Variants in ARHGEF7 observed in about 807,000 individuals in gnomAD.
ARHGEF7 encodes PAK-interacting exchange factor beta.
A neutral mutation model predicts 109.8 loss-of-function variants in ARHGEF7; 33 were observed. That is an observed-to-expected ratio of 0.30 (90% CI 0.23 to 0.40). The LOEUF (loss-of-function observed/expected upper bound fraction) is 0.40, where lower values mean the gene tolerates loss of function less well. Among genes scored for constraint, ARHGEF7 ranks in the 10% least tolerant of loss-of-function variants. ARHGEF7 has a pLI of 1.00. For synonymous variants in ARHGEF7, 458 were observed against 424.6 expected (o/e 1.08, Z -0.97); for missense variants, 938 against 1,098.5 (o/e 0.85, Z 2.07).
chr13:111,253,320 G>T (rs1177493492), intron 8 of ARHGEF7, among the ~76,000 whole-genome samples: 1 of 152,176 alleles, frequency 6.6e-6, no homozygotes, highest in Non-Finnish European at 1.5e-5. Context: ...GAATCTAATA[G>T]TATCTTTTAA....
chr13:111,202,812 G>A (rs976065784), intron 2 of ARHGEF7, among the ~76,000 whole-genome samples: 1 of 152,192 alleles, frequency 6.6e-6, no homozygotes, highest in Admixed American at 6.5e-5. Context: ...GAAATAGTCT[G>A]TTATCTTTCT....
chr13:111,267,317 G>A (rs1373154080), intron 8 of ARHGEF7, among the ~76,000 whole-genome samples: 1 of 151,998 alleles, frequency 6.6e-6, no homozygotes, highest in Non-Finnish European at 1.5e-5. Context: ...GGGATGCTGT[G>A]CAGTCTGAAT....
At chr13:111,189,923 C>T (rs1451416688) in intron 2 of ARHGEF7, among the ~76,000 whole-genome samples, 3 of 152,182 alleles carry the variant, frequency 2.0e-5, no homozygotes, top group East Asian at 3.9e-4. Flanking sequence ...CCCAGAAGCC[C>T]AGCTGGCTTC....
At chr13:111,169,308 C>G (rs930442931) in intron 2 of ARHGEF7, among the ~76,000 whole-genome samples, 5 of 152,126 alleles carry the variant, frequency 3.3e-5, no homozygotes, top group African/African-American at 1.2e-4. Flanking sequence ...GTTTAATGGG[C>G]TCATGGTTCC....
intron 2 of ARHGEF7, among the ~76,000 whole-genome samples, chr13:111,184,165 GC>G (rs995301005): frequency 6.6e-6 from 1 of 152,286 alleles, no homozygotes; most frequent in Admixed American, 6.5e-5. Flanking sequence ...GGCTTCCCCT[GC>G]TTTGCCTGGC....
chr13:111,215,269 C>T (rs1454442623), intron 4 of ARHGEF7, among the ~76,000 whole-genome samples: 1 of 152,020 alleles, frequency 6.6e-6, no homozygotes, highest in East Asian at 1.9e-4. Flanking sequence ...TGGTGTCCTG[C>T]GGGGCTGAGG....
chr13:111,207,392 T>A (rs1487789044), intron 3 of ARHGEF7, among the ~76,000 whole-genome samples: 1 of 152,204 alleles, frequency 6.6e-6, no homozygotes, highest in Non-Finnish European at 1.5e-5. Flanking sequence ...TGTCTTAAAC[T>A]CCTGAGCTCA....
intron 3 of ARHGEF7, 47 bp downstream of exon 3, chr13:111,205,420 G>GCTGA (rs775766905): frequency 1.0e-5 from 14 of 1,360,932 alleles, no homozygotes; most frequent in Non-Finnish European, 2.0e-6. Context: ...AGACATACGG[G>GCTGA]CTGACACCTT....
chr13:111,197,905 A>G (rs1441699467), intron 2 of ARHGEF7, among the ~76,000 whole-genome samples: 1 of 152,172 alleles, frequency 6.6e-6, no homozygotes, highest in African/African-American at 2.4e-5. Context: ...TTTGTCTGAC[A>G]GGCATTAGGA....
chr13:111,293,889 C>T (rs1235930225), intron 19 of ARHGEF7: 2 of 985,338 alleles, frequency 2.0e-6, no homozygotes, highest in South Asian at 9.4e-5. Flanking sequence ...TGCTCACAAG[C>T]CCAGAGCTGC....
chr13:111,291,159 G>T (rs183332369), intron 18 of ARHGEF7, among the ~76,000 whole-genome samples: 89 of 152,360 alleles, frequency 5.8e-4, no homozygotes, highest in African/African-American at 2.0e-3. Context: ...CAGGGCTACT[G>T]TGATTTGCCT....
Position 111,265,504 on chromosome 13 carries a change from G to A in ARHGEF7, c.951-2044G>A, listed in dbSNP as rs542477716. On this transcript the variant is annotated intron_variant, in intron 8 of 21. Transcript: ENST00000646102. Reference sequence around the variant, plus strand: ...TCCAGCCAGTACTTAGCCGCGGAGCGGAAAGCAGTGCTCATGAAGGTGGAG... The same window carrying A: ...TCCAGCCAGTACTTAGCCGCGGAGCAGAAAGCAGTGCTCATGAAGGTGGAG... 33 of 454,814 alleles carry A rather than the reference G, an allele frequency of 7.3e-5. No homozygotes were observed. In the East Asian group the frequency reaches 1.7e-3, roughly 23 times the overall value. 28.2% of individuals were successfully genotyped at this position (454,814 alleles called of 1,614,324 possible). A position where few individuals can be genotyped will look rare whatever the true frequency, so the allele number is the denominator to read the frequency against.
intron 1 of ARHGEF7, among the ~76,000 whole-genome samples, chr13:111,141,285 C>T (rs1027505095): frequency 4.6e-5 from 7 of 152,062 alleles, no homozygotes; most frequent in Non-Finnish European, 7.4e-5. Flanking sequence ...GCCCTGAAGT[C>T]CCCTTTACTC....
intron 2 of ARHGEF7, among the ~76,000 whole-genome samples, chr13:111,178,177 CCT>C (rs954849216): frequency 1.4e-4 from 21 of 152,136 alleles, no homozygotes; most frequent in African/African-American, 5.1e-4. Context: ...GGGAAGTCCT[CCT>C]CTCTCTTTTT....
chr13:111,215,408 A>G (rs780189836), intron 4 of ARHGEF7, among the ~76,000 whole-genome samples: 1 of 151,680 alleles, frequency 6.6e-6, no homozygotes, highest in Admixed American at 6.6e-5. Flanking sequence ...GGTGATATCA[A>G]TGTGGACTCC....
intron 9 of ARHGEF7, 24 bp downstream of exon 9, chr13:111,267,694 A>C (rs960696316): frequency 6.2e-7 from 1 of 1,612,586 alleles, no homozygotes; most frequent in East Asian, 2.2e-5. Flanking sequence ...GCACCTTGGC[A>C]ACAGGGAGGG....
At chr13:111,208,887 A>G (rs912728396) in intron 3 of ARHGEF7, among the ~76,000 whole-genome samples, 1 of 152,190 alleles carries the variant, frequency 6.6e-6, no homozygotes, top group Non-Finnish European at 1.5e-5. Flanking sequence ...TCCTCTCAGG[A>G]CAGCCCCTGC....
chr13:111,243,404 C>G (rs1269175632), intron 6 of ARHGEF7, among the ~76,000 whole-genome samples: 2 of 152,192 alleles, frequency 1.3e-5, no homozygotes, highest in Admixed American at 6.5e-5. Flanking sequence ...GTCCACGCCC[C>G]CATCCTACCC....
intron 18 of ARHGEF7, among the ~76,000 whole-genome samples, chr13:111,291,544 T>C (rs186562259): frequency 1.4e-3 from 215 of 152,388 alleles, no homozygotes; most frequent in African/African-American, 4.6e-3. Flanking sequence ...GGTTATTGAT[T>C]GATCAGGTAA....
Sources: gnomAD v4.1 joint callset for allele counts (sites outside exome capture counted in the v4.1 genomes callset) on GRCh38, gnomAD v4.1.1 for gene constraint, MANE v1.5 for transcripts, NCBI Gene and HGNC (gene_info 2026-07-23, HGNC 2026-07-21) for gene names.